FRMPD4: variants seen among roughly 807,000 people sequenced by gnomAD.
FRMPD4 encodes the protein FERM and PDZ domain-containing protein 4.
Under a neutral mutation model 94.1 loss-of-function variants are expected in FRMPD4, and 22 were observed. That is an observed-to-expected ratio of 0.23 (90% CI 0.17 to 0.33). The LOEUF (loss-of-function observed/expected upper bound fraction) is 0.33, where lower values mean the gene tolerates loss of function less well. FRMPD4 is among the 10% of genes least tolerant of loss of function. The pLI, the probability that FRMPD4 is intolerant of heterozygous loss-of-function variation, is 1.00. For synonymous variants in FRMPD4, 631 were observed against 548.6 expected, an observed-to-expected ratio of 1.15 and a Z score of -2.10; for missense variants, 1,111 against 1,339.9, an observed-to-expected ratio of 0.83 and a Z score of 2.67.
At chrX:12,671,039 C>T (rs1464513704) in intron 4 of FRMPD4, among the ~76,000 whole-genome samples, 1 of 112,137 alleles carries the variant, frequency 8.9e-6, no homozygotes, top group African/African-American at 3.2e-5. Context: ...CAATGAGATA[C>T]CATCTCATAC....
Position 12,367,324 on chromosome X carries a change from C to G in FRMPD4, c.42-131356C>G, listed in dbSNP as rs141968419. On this transcript the variant is annotated intron_variant, in intron 1 of 16. Coordinates refer to ENST00000675598, the MANE Select transcript of FRMPD4 (RefSeq NM_001368397.1). The stretch of plus-strand genomic sequence containing the variant: ...GTGGGCAGTACTGCCCCTTCCCGAT[C>G]CCATTCCGGCCTGCACATATAGCAC... 3.9e-3 allele frequency among the ~76,000 whole-genome samples: 442 copies of G among 112,365 alleles called. 1 individual carries two copies. Among genetic ancestry groups the G allele is most frequent in the Middle Eastern group, 9.2e-3 (2 of 217 alleles).
chrX:12,002,402 G>T (rs1355148013), intron 3 of FRMPD4, among the ~76,000 whole-genome samples: 3 of 111,883 alleles, frequency 2.7e-5, no homozygotes, highest in Non-Finnish European at 5.6e-5. Flanking sequence ...TCCTAGAATT[G>T]TATTTCTAAT....
intron 1 of FRMPD4, among the ~76,000 whole-genome samples, chrX:12,479,500 T>A (rs1450209931): frequency 2.0e-5 from 2 of 99,124 alleles, no homozygotes; most frequent in Non-Finnish European, 4.0e-5. Context: ...ACGTATATAT[T>A]ATATATATAT....
At chrX:11,921,602 A>G (rs4830751) in intron 3 of FRMPD4, among the ~76,000 whole-genome samples, 39,396 of 110,817 alleles carry the variant, frequency 0.36, 5,554 homozygotes, top group East Asian at 0.82. Flanking sequence ...GGAAGCTTAA[A>G]AGCTTTGCAT....
intron 3 of FRMPD4, among the ~76,000 whole-genome samples, chrX:11,987,488 C>T (rs1207393495): frequency 9.0e-6 from 1 of 111,081 alleles, no homozygotes; most frequent in East Asian, 2.8e-4. Context: ...AAAACTGAGG[C>T]CCTTTTCTCT....
In FRMPD4 at chrX:12,696,529, T is replaced by C. The variant is rs188453222; in HGVS notation, c.933+2075T>C. On this transcript the variant is annotated intron_variant, in intron 9 of 16. Transcript: ENST00000675598. ...ACTAACTACTCGAAGAGGTTGCAAA[T>C]CTAAACATAACCTCCCCCTCCCCAC... Among the ~76,000 whole-genome samples, 46 of 86,403 alleles carry C rather than the reference T, an allele frequency of 5.3e-4. 1 individual carries two copies. The East Asian group carries it at 0.017, about 31-fold the overall frequency. The allele number at this position is 86,403 out of a possible 115,157, so 75.0% of individuals were successfully genotyped here. A position where few individuals can be genotyped will look rare whatever the true frequency, so the allele number is the denominator to read the frequency against.
At position 11,848,141 on chromosome X, in the gene FRMPD4, ATATAT is replaced by A. The variant is rs201965060; in HGVS notation, c.-160-16940_-160-16936del. ...TTTGGAATACTGTACATTTTAGACA[ATATAT>A]TATAGCCACTCTGAATTCTTATTTT... On this transcript the variant is annotated intron_variant, in intron 1 of 18. Transcript: ENST00000640291. Among the ~76,000 whole-genome samples the A allele has an allele frequency of 2.2e-3, 245 of 111,264 alleles. 6 individuals carry two copies. Among genetic ancestry groups the A allele is most frequent in the Admixed American group, 0.02 (213 of 10,471 alleles).
chrX:12,205,744 G>A (rs2056684987), intron 1 of FRMPD4, among the ~76,000 whole-genome samples: 1 of 111,955 alleles, frequency 8.9e-6, no homozygotes, highest in African/African-American at 3.2e-5. Context: ...ACTTTACAGG[G>A]CAGTTCTGTC....
intron 3 of FRMPD4, among the ~76,000 whole-genome samples, chrX:12,076,303 A>C (rs1383961892): frequency 9.2e-6 from 1 of 108,759 alleles, no homozygotes; most frequent in Non-Finnish European, 1.9e-5. Context: ...GAAAGCATCA[A>C]CTGCAGCTTA....
chrX:12,244,891 T>C (rs767432418), intron 1 of FRMPD4, among the ~76,000 whole-genome samples: 5 of 111,166 alleles, frequency 4.5e-5, no homozygotes, highest in South Asian at 3.8e-4. Context: ...TGAGTGTGAG[T>C]TGGGGAGAGG....
intron 1 of FRMPD4, among the ~76,000 whole-genome samples, chrX:12,206,887 G>C (rs1206664819): frequency 8.9e-6 from 1 of 112,036 alleles, no homozygotes; most frequent in African/African-American, 3.2e-5. Flanking sequence ...TAGAACTTTT[G>C]ACTGATAAAA....
intron 2 of FRMPD4, among the ~76,000 whole-genome samples, chrX:12,553,466 A>ATATC (rs368999462): frequency 2.8e-4 from 22 of 78,003 alleles, no homozygotes; most frequent in East Asian, 1.3e-3. Context: ...ATATATATAT[A>ATATC]TCTAATCCAC....
At chrX:12,364,169 A>G (rs2056039203) in intron 1 of FRMPD4, among the ~76,000 whole-genome samples, 2 of 111,005 alleles carry the variant, frequency 1.8e-5, no homozygotes, top group South Asian at 3.9e-4. Context: ...CTTCTAAAAT[A>G]TAGTGTATTC....
At chrX:12,616,530 G>T (rs2059237810) in intron 4 of FRMPD4, among the ~76,000 whole-genome samples, 1 of 112,227 alleles carries the variant, frequency 8.9e-6, no homozygotes, top group African/African-American at 3.2e-5. Context: ...GGGGCATCCA[G>T]ATCTCCAAGG....
chrX:12,550,036 T>A (rs1366054375), intron 2 of FRMPD4, among the ~76,000 whole-genome samples: 1 of 111,959 alleles, frequency 8.9e-6, no homozygotes, highest in Non-Finnish European at 1.9e-5. Context: ...GTTAGTGAGA[T>A]TTATGTCTCC....
chrX:12,343,320 G>A (rs963098990), intron 1 of FRMPD4, among the ~76,000 whole-genome samples: 1 of 111,974 alleles, frequency 8.9e-6, no homozygotes, highest in Admixed American at 9.4e-5. Flanking sequence ...CACAAAGAGG[G>A]GAAATGCAGC....
chrX:11,841,113 A>G (rs755764625), intron 1 of FRMPD4, among the ~76,000 whole-genome samples: 163 of 109,854 alleles, frequency 1.5e-3, no homozygotes, highest in African/African-American at 5.1e-3. Context: ...TCCATGGTGT[A>G]TATGTGCCAC....
intron 1 of FRMPD4, among the ~76,000 whole-genome samples, chrX:12,189,836 C>G (rs1420599652): frequency 2.7e-5 from 3 of 111,097 alleles, no homozygotes; most frequent in Non-Finnish European, 5.7e-5. Flanking sequence ...AAGATGTGTC[C>G]TCTCACCACT....
intron 1 of FRMPD4, among the ~76,000 whole-genome samples, chrX:12,472,563 GA>G (rs1569290064): frequency 9.0e-6 from 1 of 111,174 alleles, no homozygotes; most frequent in Non-Finnish European, 1.9e-5. Context: ...TAAAAACCTT[GA>G]AAAAAGATTA....
Sources: allele counts gnomAD v4.1 joint callset (sites outside exome capture counted in the v4.1 genomes callset), GRCh38; gene constraint gnomAD v4.1.1; transcripts MANE v1.5; gene names NCBI Gene and HGNC (gene_info 2026-07-23, HGNC 2026-07-21).